DIAPH2: variants seen among roughly 807,000 people sequenced by gnomAD.
DIAPH2 encodes diaphanous related formin 2.
DIAPH2 carries 35 observed loss-of-function variants against 92.7 expected under a neutral mutation model. The observed-to-expected ratio is 0.38, with a 90% CI of 0.29 to 0.50. The LOEUF is 0.50. Among genes scored for constraint, DIAPH2 ranks in the 20% least tolerant of loss-of-function variants. The probability of loss-of-function intolerance (pLI) is 0.94; values close to 1 mark genes in which losing one functional copy is unlikely to be tolerated. For missense variants in DIAPH2, 701 were observed against 819.5 expected, an observed-to-expected ratio of 0.86 and a Z score of 1.77; for synonymous variants, 301 against 280.4, an observed-to-expected ratio of 1.07 and a Z score of -0.73.
intron 17 of DIAPH2, among the ~76,000 whole-genome samples, chrX:97,054,270 A>G (rs2066540768): frequency 8.9e-6 from 1 of 112,188 alleles, no homozygotes; most frequent in Admixed American, 9.4e-5. Flanking sequence ...CAGTTTGGCA[A>G]TATAGTTCTT....
intron 4 of DIAPH2, among the ~76,000 whole-genome samples, chrX:96,874,597 G>A (rs981286613): frequency 2.7e-5 from 3 of 111,394 alleles, no homozygotes; most frequent in South Asian, 3.7e-4. Flanking sequence ...ATTTGCTTTC[G>A]CTAGGAAATC....
chrX:97,121,083 G>T (rs1569306202), intron 21 of DIAPH2, among the ~76,000 whole-genome samples: 2 of 111,933 alleles, frequency 1.8e-5, no homozygotes, highest in Non-Finnish European at 1.9e-5. Context: ...AAATAATGTG[G>T]ACTATGTCCA....
At chrX:96,760,543 C>T (rs1043709401) in intron 4 of DIAPH2, among the ~76,000 whole-genome samples, 1 of 110,638 alleles carries the variant, frequency 9.0e-6, no homozygotes, top group South Asian at 3.8e-4. Context: ...ACATTTTCCC[C>T]GTTTAACACC....
At chrX:97,410,599 A>G (rs960034543) in intron 25 of DIAPH2, among the ~76,000 whole-genome samples, 9 of 112,123 alleles carry the variant, frequency 8.0e-5, no homozygotes, top group East Asian at 2.8e-4. Context: ...GAAGGTCAGT[A>G]ATAACAAACT....
chrX:96,839,214 T>C lies in DIAPH2; in HGVS notation c.448-42365T>C, dbSNP rs997915161. On this transcript the variant is annotated intron_variant, in intron 4 of 26. Coordinates refer to ENST00000324765, the MANE Select transcript of DIAPH2 (RefSeq NM_006729.5). Reference sequence around the variant, plus strand: ...AGATGGGCTAGATTGAAACCAAATCTGTCTGACTCCAAAACTGAAGCTTTT... The same window carrying C: ...AGATGGGCTAGATTGAAACCAAATCCGTCTGACTCCAAAACTGAAGCTTTT... Among the ~76,000 whole-genome samples, 9 of 111,473 alleles carry C rather than the reference T, an allele frequency of 8.1e-5. No homozygotes were observed. In the Admixed American group the frequency reaches 8.6e-4, roughly 11 times the overall value.
Position 97,550,253 on chromosome X carries a change from G to A in DIAPH2, c.3242-49000G>A, listed in dbSNP as rs1246063348. On this transcript the variant is annotated intron_variant, in intron 26 of 26. Transcript: ENST00000324765. ...GGGCGCCTGTAATCCCAGCTACTCC[G>A]GAGGCGGAGGCAGGAGAATCACTTG... Among the ~76,000 whole-genome samples the A allele has an allele frequency of 1.5e-4, 17 of 111,942 alleles. No individual in the cohort carries two copies. In the East Asian group the frequency reaches 1.7e-3, roughly 11 times the overall value.
chrX:97,505,198 C>G, intron 26 of DIAPH2, among the ~76,000 whole-genome samples: 1 of 112,284 alleles, frequency 8.9e-6, no homozygotes, highest in Non-Finnish European at 1.9e-5. Flanking sequence ...ACTGATGCTG[C>G]CCTCTCTTTT....
At chrX:96,913,901 T>C (rs1340952936) in intron 7 of DIAPH2, among the ~76,000 whole-genome samples, 4 of 110,456 alleles carry the variant, frequency 3.6e-5, no homozygotes, top group African/African-American at 6.5e-5. Context: ...GTCTTAGAAA[T>C]GACCTCTTCA....
chrX:97,120,272 C>T (rs1011637117), intron 21 of DIAPH2, among the ~76,000 whole-genome samples: 1 of 110,413 alleles, frequency 9.1e-6, no homozygotes, highest in Non-Finnish European at 1.9e-5. Context: ...TGACTCAGCT[C>T]CAGGTAAGGT....
At chrX:97,373,340 A>T (rs1308629369) in intron 24 of DIAPH2, among the ~76,000 whole-genome samples, 2 of 110,143 alleles carry the variant, frequency 1.8e-5, no homozygotes, top group Admixed American at 9.8e-5. Context: ...TGCGTAGGGA[A>T]CTATGTGTAG....
chrX:97,270,698 C>A (rs769771618), intron 23 of DIAPH2, among the ~76,000 whole-genome samples: 1 of 111,379 alleles, frequency 9.0e-6, no homozygotes, highest in African/African-American at 3.3e-5. Flanking sequence ...CTAGAGAGTT[C>A]TGAATTTGAG....
intron 25 of DIAPH2, among the ~76,000 whole-genome samples, chrX:97,418,968 T>G (rs2069978399): frequency 8.9e-6 from 1 of 111,895 alleles, no homozygotes; most frequent in Non-Finnish European, 1.9e-5. Flanking sequence ...TATTGAATGT[T>G]GATGTTCTTT....
At chrX:96,754,767 C>T (rs1350339044) in intron 3 of DIAPH2, among the ~76,000 whole-genome samples, 2 of 107,027 alleles carry the variant, frequency 1.9e-5, no homozygotes, top group Admixed American at 1.0e-4. Context: ...TCTAAAAATA[C>T]AAAAAAATTA....
chrX:96,787,657 G>C, intron 4 of DIAPH2, among the ~76,000 whole-genome samples: 1 of 99,989 alleles, frequency 1.0e-5, no homozygotes, highest in Non-Finnish European at 2.0e-5. Context: ...TCCCATTGTT[G>C]ATTAGGATGG....
At chrX:96,812,966 G>C (rs2147664268) in intron 4 of DIAPH2, among the ~76,000 whole-genome samples, 1 of 111,854 alleles carries the variant, frequency 8.9e-6, no homozygotes, top group Non-Finnish European at 1.9e-5. Context: ...TGGAATAAGT[G>C]TGATGTGGTG....
chrX:97,441,763 G>A (rs1393364471), intron 26 of DIAPH2, among the ~76,000 whole-genome samples: 3 of 112,839 alleles, frequency 2.7e-5, no homozygotes, highest in South Asian at 3.6e-4. Flanking sequence ...GCAGTGAGCC[G>A]AGATCGTGCC....
intron 22 of DIAPH2, among the ~76,000 whole-genome samples, chrX:97,146,083 C>CA (rs1182904496): frequency 3.0e-4 from 21 of 69,679 alleles, no homozygotes; most frequent in Non-Finnish European, 2.5e-4. Flanking sequence ...CAGGAAGAAA[C>CA]AAAGCATTGT....
chrX:96,711,771 ATAAC>A (rs2063919608), intron 1 of DIAPH2, among the ~76,000 whole-genome samples: 1 of 111,140 alleles, frequency 9.0e-6, no homozygotes, highest in African/African-American at 3.3e-5. Context: ...ATTTTCAGAA[ATAAC>A]TTGCTTTTTC....
chrX:97,078,393 T>C (rs1227805691), intron 19 of DIAPH2, among the ~76,000 whole-genome samples: 1 of 111,820 alleles, frequency 8.9e-6, no homozygotes, highest in South Asian at 3.7e-4. Context: ...TGAACTTGTA[T>C]GCGAAGAATA....
Sources: allele counts gnomAD v4.1 joint callset (sites outside exome capture counted in the v4.1 genomes callset), GRCh38; gene constraint gnomAD v4.1.1; transcripts MANE v1.5; gene names NCBI Gene and HGNC (gene_info 2026-07-23, HGNC 2026-07-21).